FUT8: variants seen among roughly 807,000 people sequenced by gnomAD.
The protein encoded by FUT8 is alpha-(1,6)-fucosyltransferase.
A neutral mutation model predicts 71.3 loss-of-function variants in FUT8; 29 were observed. The observed-to-expected ratio is 0.41, with a 90% CI of 0.30 to 0.55. FUT8 has a LOEUF of 0.55. Among genes scored for constraint, FUT8 ranks in the 20% least tolerant of loss-of-function variants. The pLI, the probability that FUT8 is intolerant of heterozygous loss-of-function variation, is 0.34. For synonymous variants in FUT8, 254 were observed against 239.3 expected, an observed-to-expected ratio of 1.06 and a Z score of -0.57; for missense variants, 544 against 702.1, an observed-to-expected ratio of 0.77 and a Z score of 2.55.
intron 5 of FUT8, among the ~76,000 whole-genome samples, chr14:65,625,997 A>G (rs1251212830): frequency 2.0e-5 from 3 of 152,272 alleles, no homozygotes; most frequent in East Asian, 3.9e-4. Flanking sequence ...TGTTGAGGGC[A>G]TATTTCACCA....
chr14:65,646,320 G>A (rs970683991), intron 6 of FUT8, among the ~76,000 whole-genome samples: 1 of 152,190 alleles, frequency 6.6e-6, no homozygotes, highest in Admixed American at 6.5e-5. Flanking sequence ...CTGAAATAGA[G>A]AAAGCTATAT....
At chr14:65,549,748 G>C (rs1885181461) in intron 2 of FUT8, among the ~76,000 whole-genome samples, 1 of 152,174 alleles carries the variant, frequency 6.6e-6, no homozygotes, top group Non-Finnish European at 1.5e-5. Context: ...TGCAGCTGTG[G>C]TGAAGCTGTA....
chr14:65,560,826 C>G (rs756746669), intron 2 of FUT8, among the ~76,000 whole-genome samples: 3 of 152,044 alleles, frequency 2.0e-5, no homozygotes, highest in Non-Finnish European at 2.9e-5. Context: ...TAGAATTTAT[C>G]CTAAAAGTGA....
chr14:65,396,835 T>G, the FUT8 span, among the ~76,000 whole-genome samples: 7 of 152,202 alleles, frequency 4.6e-5, no homozygotes, highest in East Asian at 3.8e-4. The surrounding 1 kb of genome is among the most constrained non-coding windows in gnomAD (Gnocchi z 5.5). Context: ...TATTTAGTTT[T>G]AGTTTGAGTT....
chr14:65,388,261 A>G, the FUT8 span, among the ~76,000 whole-genome samples: 1 of 152,206 alleles, frequency 6.6e-6, no homozygotes, highest in African/African-American at 2.4e-5. Context: ...CCAATCCTAC[A>G]GTACACACAT....
chr14:65,386,503 CAAAAAAAAA>C, the FUT8 span, among the ~76,000 whole-genome samples: 17 of 46,870 alleles, frequency 3.6e-4, no homozygotes, highest in African/African-American at 1.1e-3. Flanking sequence ...GACCTCGTCT[CAAAAAAAAA>C]AAAAAAAAAA....
intron 6 of FUT8, among the ~76,000 whole-genome samples, chr14:65,655,203 G>T (rs1891611549): frequency 6.6e-6 from 1 of 151,974 alleles, no homozygotes; most frequent in African/African-American, 2.4e-5. Context: ...GCTGGGCACG[G>T]TTGCTCACGC....
intron 7 of FUT8, among the ~76,000 whole-genome samples, chr14:65,693,507 AAGAGAGGGAGAGGGAGACCGTGGGG>A (rs1807344120): frequency 6.6e-6 from 1 of 152,128 alleles, no homozygotes; most frequent in Non-Finnish European, 1.5e-5. Flanking sequence ...AGACCGTGGA[AAGAGAGGGAGAGGGAGACCGTGGGG>A]AGAGGGAGAG....
intron 2 of FUT8, among the ~76,000 whole-genome samples, chr14:65,558,006 C>T (rs1344989817): frequency 6.6e-6 from 1 of 152,042 alleles, no homozygotes; most frequent in Non-Finnish European, 1.5e-5. Context: ...AAATAAGATA[C>T]ATTATTTTTT....
intron 2 of FUT8, among the ~76,000 whole-genome samples, chr14:65,502,909 C>T (rs2066669023): frequency 6.6e-6 from 1 of 152,174 alleles, no homozygotes; most frequent in Non-Finnish European, 1.5e-5. Flanking sequence ...CTAACAAGCT[C>T]CCAGGGGAGG....
chr14:65,672,934 T>C (rs1040296442), intron 7 of FUT8, among the ~76,000 whole-genome samples: 11 of 152,204 alleles, frequency 7.2e-5, no homozygotes, highest in African/African-American at 1.2e-4. Context: ...CTTGTAAAAA[T>C]TAAAAATTAT....
At chr14:65,364,951 C>A in the FUT8 span, among the ~76,000 whole-genome samples, 2 of 152,150 alleles carry the variant, frequency 1.3e-5, no homozygotes, top group African/African-American at 2.4e-5. Context: ...TCCACACACA[C>A]CCCTCATGCT....
At chr14:65,692,351 C>A (rs1359651541) in intron 7 of FUT8, among the ~76,000 whole-genome samples, 2 of 137,122 alleles carry the variant, frequency 1.5e-5, no homozygotes, top group African/African-American at 5.4e-5. Flanking sequence ...GCTGGCCGGG[C>A]GGGGGGCTGA....
chr14:65,539,433 C>A (rs973152630), intron 2 of FUT8, among the ~76,000 whole-genome samples: 2 of 152,026 alleles, frequency 1.3e-5, no homozygotes, highest in African/African-American at 4.8e-5. Context: ...ATTAATTAAC[C>A]TTTTGTGTTT....
chr14:65,707,450 A>G (rs987396362), intron 7 of FUT8, among the ~76,000 whole-genome samples: 5 of 151,788 alleles, frequency 3.3e-5, no homozygotes, highest in African/African-American at 1.2e-4. Context: ...TTCATGGATT[A>G]TCTCTTCACT....
chr14:65,727,866 T>C (rs993573242), intron 9 of FUT8, among the ~76,000 whole-genome samples: 1 of 152,204 alleles, frequency 6.6e-6, no homozygotes, highest in Non-Finnish European at 1.5e-5. Context: ...TCTTGAAATC[T>C]TTGCTGCTTA....
chr14:65,402,977 C>G, the FUT8 span, among the ~76,000 whole-genome samples: 1 of 152,136 alleles, frequency 6.6e-6, no homozygotes, highest in Non-Finnish European at 1.5e-5. Context: ...ATAGCATGTA[C>G]TGCAGAACTG....
At chr14:65,495,054 GTGTT>G (rs1473588240) in intron 2 of FUT8, among the ~76,000 whole-genome samples, 1 of 151,862 alleles carries the variant, frequency 6.6e-6, no homozygotes, top group Non-Finnish European at 1.5e-5. Flanking sequence ...GTGAAACATG[GTGTT>G]TGTTGGTTTA....
intron 2 of FUT8, among the ~76,000 whole-genome samples, chr14:65,554,038 G>GAT (rs1885442118): frequency 6.6e-6 from 1 of 151,738 alleles, no homozygotes. Context: ...AGTTACACCT[G>GAT]CACTAGATCA....
Sources: allele counts gnomAD v4.1 joint callset (sites outside exome capture counted in the v4.1 genomes callset), GRCh38; gene constraint gnomAD v4.1.1; non-coding constraint Gnocchi (gnomAD v3.1); transcripts MANE v1.5; gene names NCBI Gene and HGNC (gene_info 2026-07-23, HGNC 2026-07-21).